MCRIP1: variants seen among roughly 807,000 people sequenced by gnomAD.
The protein encoded by MCRIP1 is MAPK regulated corepressor interacting protein 1, also known as mapk-regulated corepressor-interacting protein 1.
MCRIP1 carries 10 observed loss-of-function variants against 14.4 expected under a neutral mutation model. The observed-to-expected ratio is 0.70, with a 90% CI of 0.43 to 1.18. The LOEUF (loss-of-function observed/expected upper bound fraction) is 1.18. Ranked by LOEUF, MCRIP1 falls within the 50% of genes most tolerant of loss-of-function variation. MCRIP1 has a pLI of 0.00. For synonymous variants in MCRIP1, 53 were observed against 55.7 expected (o/e 0.95, Z 0.21); for missense variants, 119 against 135.4 (o/e 0.88, Z 0.60).
At position 81,832,620 on chromosome 17, in the gene MCRIP1, G is replaced by T. The variant is rs538586894; in HGVS notation, c.-49+618C>A. ...AGCTGAAAGACCACCTTCCTGCGAC[G>T]GCTACCCAGGGGCAGGAGGGAGAGA... On this transcript the variant is annotated intron_variant, in intron 1 of 4. Transcript: ENST00000455127. Among the ~76,000 whole-genome samples, 5 of 152,332 alleles carry T rather than the reference G, an allele frequency of 3.3e-5. No homozygotes were observed. The South Asian group carries it at 1.0e-3, about 32-fold the overall frequency.
chr17:81,827,639 T>C (rs1038838814), intron 1 of MCRIP1, among the ~76,000 whole-genome samples: 1 of 151,712 alleles, frequency 6.6e-6, no homozygotes, highest in Non-Finnish European at 1.5e-5. Flanking sequence ...GTAGGATTGC[T>C]TGAGCTTGGG....
At chr17:81,830,440 C>G (rs551496997) in intron 1 of MCRIP1, among the ~76,000 whole-genome samples, 1 of 151,496 alleles carries the variant, frequency 6.6e-6, no homozygotes, top group South Asian at 2.1e-4. Context: ...AGTTCGAGAC[C>G]AGCCTGGCCA....
intron 1 of MCRIP1, chr17:81,825,288 G>T (rs943335505): frequency 9.1e-7 from 1 of 1,096,598 alleles, no homozygotes; most frequent in Non-Finnish European, 1.1e-6. Flanking sequence ...CTGGAAAAAT[G>T]GAGTCTATTT....
rs992208160 is a variant in MCRIP1 at position 81,833,272 on chromosome 17, T to G, written c.-83A>C. ...ACCCGCCGCCACCGCCTCTTCCAGC[T>G]GGGAGGCCCCGCCGGAAGTGACGCC... On this transcript the variant is annotated 5_prime_UTR_variant, in exon 1 of 5. Transcript: ENST00000455127. 1 of 151,588 alleles carries G rather than the reference T, an allele frequency of 6.6e-6. No individual in the cohort carries two copies. The highest frequency in any genetic ancestry group is 1.5e-5 in the Non-Finnish European group (1 of 67,838). The allele number at this position is 151,588 out of a possible 1,614,324, so 9.4% of individuals were successfully genotyped here. A position where few individuals can be genotyped will look rare whatever the true frequency, so the allele number is the denominator to read the frequency against.
chr17:81,833,216 C>A (rs1381723372), intron 1 of MCRIP1, 22 bp downstream of exon 1: 3 of 148,968 alleles, frequency 2.0e-5, no homozygotes, highest in African/African-American at 7.3e-5. Context: ...GTCCCCGCCG[C>A]CCGGCGCCGC....
intron 1 of MCRIP1, among the ~76,000 whole-genome samples, chr17:81,830,892 G>A (rs2038503386): frequency 1.3e-5 from 2 of 151,616 alleles, no homozygotes; most frequent in South Asian, 2.1e-4. Flanking sequence ...TAGGCCAGGC[G>A]CAGTGGCTCA....
intron 3 of MCRIP1, 50 bp downstream of exon 3, chr17:81,824,237 C>A (rs956773707): frequency 1.4e-6 from 2 of 1,436,152 alleles, no homozygotes; most frequent in Non-Finnish European, 1.9e-6. Context: ...GGGGGCAGAG[C>A]TGACTCCGTC....
Position 81,824,424 on chromosome 17 carries a change from T to G in MCRIP1, c.9-19A>C. The G allele has an allele frequency of 2.0e-6, 3 of 1,533,396 alleles. No homozygotes were observed. Among genetic ancestry groups the G allele is most frequent in the Non-Finnish European group, 2.6e-6 (3 of 1,144,642 alleles). 95.0% of individuals were successfully genotyped at this position (1,533,396 alleles called of 1,614,324 possible). A position where few individuals can be genotyped will look rare whatever the true frequency, so the allele number is the denominator to read the frequency against. ...GGGGGAGCTGGGGGAGCCTGGCGCA[T>G]GAGACAGGGCACACAGCAGGGTGGG... is the stretch of plus-strand genomic sequence containing the variant. On this transcript the variant is annotated intron_variant, in intron 2 of 4. Coordinates refer to ENST00000455127, the MANE Select transcript of MCRIP1 (RefSeq NM_207368.5).
chr17:81,822,681 G>A lies in MCRIP1; in HGVS notation c.*566C>T, dbSNP rs2038289417. The A allele has an allele frequency of 6.3e-6, 1 of 158,650 alleles. No individual in the cohort carries two copies. The highest frequency in any genetic ancestry group is 2.4e-5 in the African/African-American group (1 of 41,528). 9.8% of individuals were successfully genotyped at this position (158,650 alleles called of 1,614,324 possible). On this transcript the variant is annotated 3_prime_UTR_variant, in exon 5 of 5. Transcript: ENST00000455127. ...AGTATCCTAGGCCCAAAGAGCTGGT[G>A]CCATCTTGAAGCTGATTCAGGGAAG... is the stretch of plus-strand genomic sequence containing the variant.
At chr17:81,830,271 G>A (rs1430179290) in intron 1 of MCRIP1, among the ~76,000 whole-genome samples, 1 of 152,240 alleles carries the variant, frequency 6.6e-6, no homozygotes, top group Non-Finnish European at 1.5e-5. Flanking sequence ...AGGTCTCTGT[G>A]GCTCCTTATC....
intron 1 of MCRIP1, among the ~76,000 whole-genome samples, chr17:81,829,873 C>T (rs1027167177): frequency 2.0e-5 from 3 of 152,224 alleles, no homozygotes; most frequent in Admixed American, 2.0e-4. Context: ...TTCCTGAAAC[C>T]CTATCCCCAA....
intron 1 of MCRIP1, among the ~76,000 whole-genome samples, chr17:81,832,820 G>A (rs1256495472): frequency 6.6e-6 from 1 of 152,244 alleles, no homozygotes; most frequent in African/African-American, 2.4e-5. Context: ...CGGACGGCCG[G>A]GCCCGCGGCG....
intron 3 of MCRIP1, among the ~76,000 whole-genome samples, chr17:81,824,011 C>T: frequency 6.6e-6 from 1 of 152,210 alleles, no homozygotes; most frequent in East Asian, 1.9e-4. Context: ...GACTGGCTCC[C>T]AGTGCGGCCT....
At chr17:81,833,173 C>CG (rs2038557940) in intron 1 of MCRIP1, 65 bp downstream of exon 1, 1 of 146,696 alleles carries the variant, frequency 6.8e-6, no homozygotes, top group South Asian at 2.0e-4. Context: ...GACACCAGGG[C>CG]GGGGCCCAGC....
intron 1 of MCRIP1, among the ~76,000 whole-genome samples, chr17:81,827,441 T>C (rs1331506124): frequency 3.3e-5 from 5 of 151,490 alleles, no homozygotes; most frequent in Admixed American, 2.0e-4. Flanking sequence ...CCAGCTAATT[T>C]TTTGTATTAT....
intron 1 of MCRIP1, chr17:81,826,760 G>A (rs2038408605): frequency 5.2e-6 from 1 of 194,068 alleles, no homozygotes; most frequent in Non-Finnish European, 1.0e-5. Context: ...TGGAGGTGCA[G>A]TGAGCCAAGA....
intron 1 of MCRIP1, chr17:81,826,580 GA>G (rs2038402188): frequency 1.8e-6 from 1 of 570,982 alleles, no homozygotes; most frequent in Non-Finnish European, 3.1e-6. Flanking sequence ...AACACTTTGG[GA>G]GGCAGAGGCG....
chr17:81,832,845 G>A (rs1011563735), intron 1 of MCRIP1, among the ~76,000 whole-genome samples: 2 of 152,240 alleles, frequency 1.3e-5, no homozygotes, highest in Non-Finnish European at 1.5e-5. Flanking sequence ...GAGAATCGGA[G>A]GCATCCTCAG....
In MCRIP1 at chr17:81,823,344, C is replaced by T. The variant is rs368126596; in HGVS notation, c.230-33G>A. 1.3e-6 allele frequency: 2 copies of T among 1,536,626 alleles called. No homozygotes were observed. The highest frequency in any genetic ancestry group is 8.7e-7 in the Non-Finnish European group (1 of 1,146,586). ...GGGACAACGCGGTAGGTGGTGGGCA[C>T]AGGCCCCTCCTGCCCATGAGGCCCG... On this transcript the variant is annotated intron_variant, in intron 4 of 4. Transcript: ENST00000455127. The surrounding 1 kb of genome is among the most constrained non-coding windows in gnomAD (Gnocchi z 6.0).
Sources: allele counts gnomAD v4.1 joint callset (sites outside exome capture counted in the v4.1 genomes callset), GRCh38; gene constraint gnomAD v4.1.1; non-coding constraint Gnocchi (gnomAD v3.1); transcripts MANE v1.5; gene names NCBI Gene and HGNC (gene_info 2026-07-23, HGNC 2026-07-21).